Variants in KCNQ3 observed in about 807,000 individuals in gnomAD.
KCNQ3 encodes potassium voltage-gated channel subfamily Q member 3.
Under a neutral mutation model 92.5 loss-of-function variants are expected in KCNQ3, and 30 were observed. That is an observed-to-expected ratio of 0.32 (90% CI 0.24 to 0.44). The LOEUF is 0.44. KCNQ3 is among the 20% of genes least tolerant of loss of function. The pLI is 1.00. For synonymous variants in KCNQ3, 450 were observed against 468.8 expected (o/e 0.96, Z 0.52); for missense variants, 913 against 1,140.3 (o/e 0.80, Z 2.87).
intron 1 of KCNQ3, among the ~76,000 whole-genome samples, chr8:132,314,232 A>T (rs1173165647): frequency 6.6e-6 from 1 of 152,224 alleles, no homozygotes; most frequent in Non-Finnish European, 1.5e-5. Flanking sequence ...ATAAAATTTT[A>T]AAAATTTCTA....
Position 132,122,517 on chromosome 8 carries a change from T to G in KCNQ3, c.*6745A>C, listed in dbSNP as rs764964708. On this transcript the variant is annotated 3_prime_UTR_variant, in exon 15 of 15. Coordinates refer to ENST00000388996, the MANE Select transcript of KCNQ3 (RefSeq NM_004519.4). ...TCATTGTAAGCCATTCTCAAGTTATTCTTATATACAGCCGATTTTTGGCGG... is the reference window on the plus strand; with the variant it reads ...TCATTGTAAGCCATTCTCAAGTTATGCTTATATACAGCCGATTTTTGGCGG... 6.6e-6 allele frequency: 1 copy of G among 152,220 alleles called. No individual in the cohort carries two copies. The highest frequency in any genetic ancestry group is 1.5e-5 in the Non-Finnish European group (1 of 68,046). The allele number at this position is 152,220 out of a possible 1,614,324, so 9.4% of individuals were successfully genotyped here. A position where few individuals can be genotyped will look rare whatever the true frequency, so the allele number is the denominator to read the frequency against.
chr8:132,419,938 G>C (rs1177338735), intron 1 of KCNQ3, among the ~76,000 whole-genome samples: 3 of 152,146 alleles, frequency 2.0e-5, no homozygotes, highest in Non-Finnish European at 4.4e-5. Flanking sequence ...GGAATACATG[G>C]GTACTGTCTC....
chr8:132,317,106 A>G (rs1364497913), intron 1 of KCNQ3, among the ~76,000 whole-genome samples: 1 of 152,186 alleles, frequency 6.6e-6, no homozygotes, highest in Non-Finnish European at 1.5e-5. Flanking sequence ...TTTTGCTATC[A>G]TGCCCTACCA....
At position 132,219,919 on chromosome 8, in the gene KCNQ3, C is replaced by T. The variant is rs1437521173; in HGVS notation, c.387-33738G>A. Among the ~76,000 whole-genome samples the T allele has an allele frequency of 2.0e-5, 3 of 150,990 alleles. No homozygotes were observed. The East Asian group carries it at 5.8e-4, about 29-fold the overall frequency. ...CATTTTACAGATGAGAAAAATGAGT[C>T]CCAGAGAGGTCATACCTCATTCCTG... is the stretch of plus-strand genomic sequence containing the variant. On this transcript the variant is annotated intron_variant, in intron 1 of 14. Transcript: ENST00000388996.
intron 1 of KCNQ3, chr8:132,187,053 T>C (rs931039322): frequency 2.5e-6 from 1 of 393,232 alleles, no homozygotes; most frequent in South Asian, 1.9e-5. Flanking sequence ...TGGTGGAGAG[T>C]CTTTGGCTTA....
chr8:132,232,338 C>T (rs538075625), intron 1 of KCNQ3, among the ~76,000 whole-genome samples: 6 of 152,274 alleles, frequency 3.9e-5, no homozygotes, highest in African/African-American at 1.2e-4. Flanking sequence ...GGTGCTGATG[C>T]TGTAGGTTGT....
chr8:132,281,475 A>G (rs573666363), intron 1 of KCNQ3, among the ~76,000 whole-genome samples: 3 of 152,270 alleles, frequency 2.0e-5, no homozygotes, highest in African/African-American at 7.2e-5. Context: ...TGGAGTATGT[A>G]TATATGGAAT....
chr8:132,141,567 A>G (rs1416733742), intron 9 of KCNQ3, among the ~76,000 whole-genome samples: 2 of 152,210 alleles, frequency 1.3e-5, no homozygotes, highest in African/African-American at 4.8e-5. Context: ...CAATTTTCCC[A>G]TACGATTAAA....
intron 9 of KCNQ3, among the ~76,000 whole-genome samples, chr8:132,157,474 G>A (rs1034032874): frequency 6.6e-6 from 1 of 152,120 alleles, no homozygotes; most frequent in African/African-American, 2.4e-5. Flanking sequence ...GGAGAGTTCT[G>A]TATTAAATGT....
chr8:132,221,814 GA>G (rs1266205949), intron 1 of KCNQ3, among the ~76,000 whole-genome samples: 40 of 152,264 alleles, frequency 2.6e-4, no homozygotes, highest in African/African-American at 8.7e-4. Flanking sequence ...AAGAAATGGG[GA>G]AAGGATCCCC....
chr8:132,354,735 A>G (rs942636502), intron 1 of KCNQ3, among the ~76,000 whole-genome samples: 5 of 152,246 alleles, frequency 3.3e-5, no homozygotes, highest in Non-Finnish European at 7.3e-5. Flanking sequence ...CTCTGGACTG[A>G]GAGCCATTCT....
chr8:132,210,086 A>C lies in KCNQ3; in HGVS notation c.387-23905T>G, dbSNP rs112333738. On this transcript the variant is annotated intron_variant, in intron 1 of 14. Transcript: ENST00000388996. ...ACCCCAGTCTGCAAAGCTAGCTGTG[A>C]ATTAAAATCACCTGTGCACCTTAAG... 8.8e-3 allele frequency among the ~76,000 whole-genome samples: 1,338 copies of C among 152,322 alleles called. 22 individuals carry two copies. The highest frequency in any genetic ancestry group is 0.031 in the African/African-American group (1,277 of 41,572).
intron 1 of KCNQ3, among the ~76,000 whole-genome samples, chr8:132,209,544 A>ACACACACACAC (rs1554631921): frequency 1.5e-5 from 2 of 135,378 alleles, no homozygotes; most frequent in African/African-American, 5.4e-5. Flanking sequence ...CACACACACA[A>ACACACACACAC]ACACACACAC....
chr8:132,189,719 G>A (rs917665728), intron 1 of KCNQ3, among the ~76,000 whole-genome samples: 7 of 151,692 alleles, frequency 4.6e-5, no homozygotes, highest in African/African-American at 1.7e-4. Context: ...CCAGCTACTC[G>A]AGAGGCTGAG....
chr8:132,304,880 AAAG>A (rs1817368005), intron 1 of KCNQ3, among the ~76,000 whole-genome samples: 1 of 152,194 alleles, frequency 6.6e-6, no homozygotes, highest in Admixed American at 6.5e-5. Flanking sequence ...TGAATGAAGG[AAAG>A]AAGGAGACAC....
At chr8:132,248,550 A>C (rs376472145) in intron 1 of KCNQ3, among the ~76,000 whole-genome samples, 2 of 152,320 alleles carry the variant, frequency 1.3e-5, no homozygotes, top group South Asian at 4.1e-4. Context: ...TAACACAATG[A>C]GCAAAACCAA....
chr8:132,190,419 T>C (rs928283816), intron 1 of KCNQ3, among the ~76,000 whole-genome samples: 1 of 152,182 alleles, frequency 6.6e-6, no homozygotes, highest in African/African-American at 2.4e-5. Flanking sequence ...TGTTACATTA[T>C]ATAAGACTCT....
chr8:132,464,472 T>C (rs989443067), intron 1 of KCNQ3, among the ~76,000 whole-genome samples: 1 of 152,210 alleles, frequency 6.6e-6, no homozygotes, highest in African/African-American at 2.4e-5. Flanking sequence ...CTTGCATGTA[T>C]GTAATGTGCC....
At chr8:132,415,997 G>A (rs1308765173) in intron 1 of KCNQ3, among the ~76,000 whole-genome samples, 1 of 152,174 alleles carries the variant, frequency 6.6e-6, no homozygotes, top group Non-Finnish European at 1.5e-5. Context: ...AATAACCAGA[G>A]GTTCAGGGAG....
Sources: allele counts gnomAD v4.1 joint callset (sites outside exome capture counted in the v4.1 genomes callset), GRCh38; gene constraint gnomAD v4.1.1; transcripts MANE v1.5; gene names NCBI Gene and HGNC (gene_info 2026-07-23, HGNC 2026-07-21).